Variants in MPDZ observed in about 807,000 individuals in gnomAD.
MPDZ encodes multiple PDZ domain protein.
A neutral mutation model predicts 239.1 loss-of-function variants in MPDZ; 234 were observed. That is an observed-to-expected ratio of 0.98 (90% CI 0.88 to 1.09). The LOEUF is 1.09. Ranked by LOEUF, MPDZ falls within the 50% of genes least tolerant of loss-of-function variation. MPDZ has a pLI of 0.00. For synonymous variants in MPDZ, 1,048 were observed against 881.3 expected (o/e 1.19, Z -3.35); for missense variants, 3,175 against 2,510.0 (o/e 1.26, Z -5.66).
chr9:13,129,004 G>A (rs1334480121), intron 32 of MPDZ, among the ~76,000 whole-genome samples: 2 of 152,144 alleles, frequency 1.3e-5, no homozygotes, highest in African/African-American at 2.4e-5. Context: ...CTTCTTCCTT[G>A]ATGAAACCTG....
In MPDZ at chr9:13,115,310, C is replaced by G. The variant is rs1943222633; in HGVS notation, c.5404G>C (p.Glu1802Gln). The G allele has an allele frequency of 6.2e-7, 1 of 1,612,574 alleles. No individual in the cohort carries two copies. Among genetic ancestry groups the G allele is most frequent in the Admixed American group, 1.7e-5 (1 of 59,980 alleles). The change falls in exon 40 of 47, where the codon GAA becomes CAA. Residue 1802 changes from glutamate to glutamine, a missense_variant. Transcript: ENST00000319217. ...LKCSLGTVTL[E>Q]VGRIKAGPFH... ...GGACCAGCTTTGATTCTTCCAACTT[C>G]CAAGGTTACTGTGCCTAGGGAACAC...
chr9:13,209,971 T>C (rs143795800), intron 10 of MPDZ, among the ~76,000 whole-genome samples: 2 of 145,748 alleles, frequency 1.4e-5, no homozygotes, highest in Admixed American at 1.4e-4. Flanking sequence ...AGATGATAAA[T>C]GAGGGGGAAA....
At chr9:13,223,839 C>T (rs969207592) in intron 4 of MPDZ, 129 bp from the exon 5 acceptor site, 382 of 919,566 alleles carry the variant, frequency 4.2e-4, no homozygotes, top group Non-Finnish European at 9.3e-5. Flanking sequence ...AGGGACCAGA[C>T]TGGGCTACAT....
At chr9:13,245,561 T>C (rs1966410253) in intron 3 of MPDZ, among the ~76,000 whole-genome samples, 1 of 152,202 alleles carries the variant, frequency 6.6e-6, no homozygotes, top group Admixed American at 6.5e-5. Context: ...TTGGTCCCTT[T>C]CAGTATTAGT....
intron 2 of MPDZ, 133 bp from the exon 3 acceptor site, chr9:13,247,934 A>T (rs1966852244): frequency 1.1e-6 from 1 of 883,680 alleles, no homozygotes; most frequent in Admixed American, 2.4e-5. Context: ...AAATTGAATA[A>T]AAAAACAGTA....
chr9:13,121,524 G>A (rs186855421), intron 38 of MPDZ, among the ~76,000 whole-genome samples: 1 of 152,232 alleles, frequency 6.6e-6, no homozygotes, highest in Admixed American at 6.5e-5. Flanking sequence ...TACACCAAAT[G>A]ACTTTTTGTT....
intron 22 of MPDZ, among the ~76,000 whole-genome samples, chr9:13,168,156 C>T (rs978764756): frequency 6.6e-6 from 1 of 152,030 alleles, no homozygotes; most frequent in Non-Finnish European, 1.5e-5. Context: ...TACAAAGCAA[C>T]GTTTCCAAAT....
At chr9:13,154,552 A>G (rs1451245798) in intron 24 of MPDZ, among the ~76,000 whole-genome samples, 1 of 152,016 alleles carries the variant, frequency 6.6e-6, no homozygotes, top group Non-Finnish European at 1.5e-5. Flanking sequence ...AGCCAACAAG[A>G]GTCTCTACAC....
At chr9:13,275,397 G>C (rs1973939026) in intron 1 of MPDZ, among the ~76,000 whole-genome samples, 1 of 152,282 alleles carries the variant, frequency 6.6e-6, no homozygotes, top group African/African-American at 2.4e-5. Flanking sequence ...CAAAGAGCGA[G>C]GCTTGGTAGA....
intron 46 of MPDZ, among the ~76,000 whole-genome samples, chr9:13,108,503 CTTA>C (rs1941862896): frequency 2.0e-5 from 3 of 151,810 alleles, no homozygotes; most frequent in African/African-American, 4.8e-5. Flanking sequence ...AAAATAAATG[CTTA>C]TTAATTTTCA....
intron 8 of MPDZ, among the ~76,000 whole-genome samples, chr9:13,218,062 A>G (rs1056056010): frequency 6.6e-6 from 1 of 151,878 alleles, no homozygotes; most frequent in African/African-American, 2.4e-5. Context: ...GAAGAGCACA[A>G]AGAAATCAAA....
intron 32 of MPDZ, among the ~76,000 whole-genome samples, chr9:13,129,249 G>C (rs1294990941): frequency 2.0e-5 from 3 of 152,074 alleles, no homozygotes; most frequent in Non-Finnish European, 2.9e-5. Flanking sequence ...GATCACCTGA[G>C]GTCAGGAGTT....
rs1962813768 is a variant in MPDZ at position 13,232,593 on chromosome 9, G to C, written c.184-8010C>G. 4.0e-5 allele frequency among the ~76,000 whole-genome samples: 6 copies of C among 151,242 alleles called. No homozygotes were observed. The South Asian group carries it at 1.3e-3, about 32-fold the overall frequency. ...TCTGAGAGAAAATCTCTGTATTTTAGAAGTAGCCACAGGTTTCTTATATAG... is the reference window on the plus strand; with the variant it reads ...TCTGAGAGAAAATCTCTGTATTTTACAAGTAGCCACAGGTTTCTTATATAG... On this transcript the variant is annotated intron_variant, in intron 3 of 46. Transcript: ENST00000319217.
chr9:13,134,239 A>G (rs1946422966), intron 31 of MPDZ: 3 of 154,578 alleles, frequency 1.9e-5, no homozygotes, highest in Admixed American at 1.3e-4. Context: ...TAGCCCAGCT[A>G]ACAAATGGTG....
chr9:13,193,334 A>G, intron 13 of MPDZ, 21 bp from the exon 14 acceptor site: 1 of 1,566,076 alleles, frequency 6.4e-7, no homozygotes, highest in Non-Finnish European at 8.6e-7. Context: ...AAAAAAAAAG[A>G]TCACCACAAT....
intron 42 of MPDZ, 81 bp downstream of exon 42, chr9:13,112,930 G>GT: frequency 7.6e-7 from 1 of 1,314,286 alleles, no homozygotes; most frequent in East Asian, 2.5e-5. Context: ...CTTTAAAACC[G>GT]TAAGAAAGTT....
chr9:13,116,707 G>A (rs745868745), intron 39 of MPDZ, among the ~76,000 whole-genome samples: 10 of 152,018 alleles, frequency 6.6e-5, no homozygotes, highest in Non-Finnish European at 1.0e-4. Flanking sequence ...CAAATATCAA[G>A]GGTTTTGATT....
chr9:13,125,395 C>A lies in MPDZ; in HGVS notation c.4633-5G>T. ...TGTCTTCAGAAGGCTAATAAACTGG[C>A]AGGGTGTATGTGTGGAAGAGAAACA... On this transcript the variant is annotated splice_polypyrimidine_tract_variant and splice_region_variant and intron_variant, in intron 34 of 46. Transcript: ENST00000319217. The A allele has an allele frequency of 6.2e-7, 1 of 1,612,588 alleles. No individual in the cohort carries two copies. The highest frequency in any genetic ancestry group is 8.5e-7 in the Non-Finnish European group (1 of 1,178,892).
At chr9:13,248,353 T>A (rs1002734452) in intron 2 of MPDZ, among the ~76,000 whole-genome samples, 1 of 152,112 alleles carries the variant, frequency 6.6e-6, no homozygotes, top group African/African-American at 2.4e-5. Flanking sequence ...AAATAGCATA[T>A]TTACATCTGC....
Sources: gnomAD v4.1 joint callset for allele counts (sites outside exome capture counted in the v4.1 genomes callset) on GRCh38, gnomAD v4.1.1 for gene constraint, MANE v1.5 for transcripts, NCBI Gene and HGNC (gene_info 2026-07-23, HGNC 2026-07-21) for gene names.